The following MTOR variants were observed in gnomAD, a reference collection of about 807,000 sequenced individuals.
MTOR encodes serine/threonine-protein kinase mTOR.
A neutral mutation model predicts 319.8 loss-of-function variants in MTOR; 70 were observed. The ratio of observed to expected loss-of-function variants is 0.22; its 90% confidence interval spans 0.18 to 0.27. The LOEUF (loss-of-function observed/expected upper bound fraction) is 0.27. Ranked by LOEUF, MTOR falls within the 10% of genes least tolerant of loss-of-function variation. The pLI, the probability that MTOR is intolerant of heterozygous loss-of-function variation, is 1.00. For synonymous variants in MTOR, 1,183 were observed against 1,211.4 expected (o/e 0.98, Z 0.49); for missense variants, 1,890 against 3,274.4 (o/e 0.58, Z 10.32).
chr1:11,180,481 T>C (rs1404516330), intron 28 of MTOR, among the ~76,000 whole-genome samples: 1 of 152,206 alleles, frequency 6.6e-6, no homozygotes, highest in Non-Finnish European at 1.5e-5. Flanking sequence ...TGCTCAGGCA[T>C]AACTGGCACA....
rs1646464269 is a variant in MTOR at position 11,216,238 on chromosome 1, A to T, written c.3031-4T>A. Reference sequence around the variant, plus strand: ...TTCCCAGCTGCTGGAACAAAAACTGAAATGGACAAGAGGTCAACCAGCTGG... The same window carrying T: ...TTCCCAGCTGCTGGAACAAAAACTGTAATGGACAAGAGGTCAACCAGCTGG... On this transcript the variant is annotated splice_region_variant and splice_polypyrimidine_tract_variant and intron_variant, in intron 19 of 57. Coordinates refer to ENST00000361445, the MANE Select transcript of MTOR (RefSeq NM_004958.4). The T allele has an allele frequency of 1.2e-6, 2 of 1,613,418 alleles. No homozygotes were observed. Among genetic ancestry groups the T allele is most frequent in the East Asian group, 4.5e-5 (2 of 44,864 alleles).
intron 28 of MTOR, among the ~76,000 whole-genome samples, chr1:11,173,910 AACAAGAAGAAGAT>A (rs1034867832): frequency 1.3e-5 from 2 of 152,196 alleles, no homozygotes; most frequent in Non-Finnish European, 2.9e-5. Context: ...CACGGGAGGC[AACAAGAAGAAGAT>A]ACAAGAAGAA....
chr1:11,259,431 G>A lies in MTOR; in HGVS notation c.-14-8C>T, dbSNP rs1041618807. The A allele has an allele frequency of 1.1e-5, 17 of 1,523,980 alleles. No individual in the cohort carries two copies. In the Admixed American group the frequency reaches 1.4e-4, roughly 13 times the overall value. 94.4% of individuals were successfully genotyped at this position (1,523,980 alleles called of 1,614,324 possible). On this transcript the variant is annotated splice_region_variant and splice_polypyrimidine_tract_variant and intron_variant, in intron 1 of 57. Transcript: ENST00000361445. ...GCATCTTGCCCTGAGGTTCTTTAGA[G>A]AGAAGTTTCCTTTAATATTCTGGAT... is the stretch of plus-strand genomic sequence containing the variant.
chr1:11,187,266 A>C (rs550669905), intron 28 of MTOR, among the ~76,000 whole-genome samples: 1 of 146,452 alleles, frequency 6.8e-6, no homozygotes, highest in East Asian at 2.1e-4. Flanking sequence ...AGTGGTCCCC[A>C]ATCTTTTTGG....
At chr1:11,238,348 A>C in intron 12 of MTOR, 54 bp downstream of exon 12, 2 of 1,577,080 alleles carry the variant, frequency 1.3e-6, no homozygotes, top group Non-Finnish European at 1.7e-6. Flanking sequence ...GGCTACTCCC[A>C]ATTGTCCTAA....
intron 28 of MTOR, among the ~76,000 whole-genome samples, chr1:11,174,843 CA>C (rs1247341040): frequency 1.3e-5 from 2 of 152,204 alleles, no homozygotes; most frequent in African/African-American, 2.4e-5. Context: ...TTATAAAGGG[CA>C]AACTGTTCAA....
At chr1:11,219,252 A>C (rs995870386) in intron 19 of MTOR, among the ~76,000 whole-genome samples, 2 of 152,018 alleles carry the variant, frequency 1.3e-5, no homozygotes, top group African/African-American at 4.8e-5. Flanking sequence ...ACATAAAGCC[A>C]GACTTTCAAA....
Position 11,213,410 on chromosome 1 carries a change from C to T in MTOR, c.3274G>A (p.Val1092Ile). Residue 1092 changes from valine to isoleucine, a missense_variant, in exon 21 of 58, where the codon GTC (valine) becomes ATC (isoleucine). Transcript: ENST00000361445. ...FMHDNSPGRI[V>I]SIKLLAAIQL... ...CGTAGGCTACTCACCTTGATAGAGACAATGCGGCCTGGGCTGTTGTCATGC... is the reference window on the plus strand; with the variant it reads ...CGTAGGCTACTCACCTTGATAGAGATAATGCGGCCTGGGCTGTTGTCATGC... The T allele has an allele frequency of 1.2e-6, 2 of 1,612,106 alleles. No individual in the cohort carries two copies. Among genetic ancestry groups the T allele is most frequent in the Non-Finnish European group, 1.7e-6 (2 of 1,179,726 alleles).
intron 19 of MTOR, among the ~76,000 whole-genome samples, chr1:11,220,003 G>A (rs1422607115): frequency 6.1e-5 from 9 of 147,452 alleles, no homozygotes; most frequent in South Asian, 4.4e-4. Context: ...ACTGCATTCC[G>A]GCCTGGCAGC....
intron 33 of MTOR, 96 bp from the exon 34 acceptor site, chr1:11,144,851 G>C: frequency 2.0e-6 from 3 of 1,509,138 alleles, no homozygotes; most frequent in Non-Finnish European, 2.7e-6. Flanking sequence ...CAGGGTATCT[G>C]CCGATCAGAG....
chr1:11,197,226 A>T (rs1158785920), intron 28 of MTOR, among the ~76,000 whole-genome samples: 1 of 152,222 alleles, frequency 6.6e-6, no homozygotes, highest in Non-Finnish European at 1.5e-5. Flanking sequence ...ACAGTGGGAA[A>T]AGACCCCTGA....
At position 11,107,604 on chromosome 1, in the gene MTOR, G is replaced by T. The variant is rs898954152; in HGVS notation, c.7635-104C>A. ...AAGGCCAAGGTCTGACAACCCTAGGGTATTCCCTGAGCTCTCCCACAGCTA... is the reference window on the plus strand; with the variant it reads ...AAGGCCAAGGTCTGACAACCCTAGGTTATTCCCTGAGCTCTCCCACAGCTA... On this transcript the variant is annotated intron_variant, in intron 57 of 57. Coordinates refer to ENST00000361445, the MANE Select transcript of MTOR (RefSeq NM_004958.4). 3.2e-6 allele frequency: 4 copies of T among 1,259,870 alleles called. No individual in the cohort carries two copies. The Admixed American group carries it at 7.1e-5, about 22-fold the overall frequency. 78.0% of individuals were successfully genotyped at this position (1,259,870 alleles called of 1,614,324 possible).
intron 31 of MTOR, among the ~76,000 whole-genome samples, chr1:11,148,370 A>C (rs1644007989): frequency 6.6e-6 from 1 of 152,162 alleles, no homozygotes; most frequent in African/African-American, 2.4e-5. Context: ...AAGAAGAAAT[A>C]TGTTTGGTCT....
At chr1:11,172,046 A>AG (rs1338624028) in intron 28 of MTOR, among the ~76,000 whole-genome samples, 11 of 151,578 alleles carry the variant, frequency 7.3e-5, no homozygotes, top group Middle Eastern at 3.4e-3. Flanking sequence ...AAAAAAAAAA[A>AG]AGAGAGAGGG....
intron 8 of MTOR, among the ~76,000 whole-genome samples, chr1:11,246,478 TTC>T (rs1451690966): frequency 1.3e-5 from 2 of 152,192 alleles, no homozygotes; most frequent in Admixed American, 6.5e-5. Flanking sequence ...GTGATTTTCC[TTC>T]TGTTATTTCT....
At chr1:11,188,194 T>C (rs890246092) in intron 28 of MTOR, among the ~76,000 whole-genome samples, 23 of 152,208 alleles carry the variant, frequency 1.5e-4, no homozygotes, top group African/African-American at 5.5e-4. Flanking sequence ...AATCGTATGT[T>C]CCAAAGACAG....
intron 28 of MTOR, among the ~76,000 whole-genome samples, chr1:11,170,592 T>C (rs1360462683): frequency 6.6e-6 from 1 of 151,536 alleles, no homozygotes; most frequent in Non-Finnish European, 1.5e-5. Flanking sequence ...AGCCAGTATA[T>C]AGTCTATATA....
chr1:11,131,820 G>A (rs1643175929), intron 38 of MTOR: 1 of 152,194 alleles, frequency 6.6e-6, no homozygotes, highest in Admixed American at 6.5e-5. Context: ...CTGAATAATT[G>A]GGAAATTCGT....
At chr1:11,255,846 C>CAAAAA (rs35904498) in intron 5 of MTOR, 146 bp downstream of exon 5, 44 of 533,514 alleles carry the variant, frequency 8.2e-5, no homozygotes, top group South Asian at 2.0e-4. Context: ...GACTCCATCA[C>CAAAAA]AAAAAAAAAA....
Sources: gnomAD v4.1 joint callset for allele counts (sites outside exome capture counted in the v4.1 genomes callset) on GRCh38, gnomAD v4.1.1 for gene constraint, MANE v1.5 for transcripts, NCBI Gene and HGNC (gene_info 2026-07-23, HGNC 2026-07-21) for gene names.